The following SBF2 variants were observed in gnomAD, a reference collection of about 807,000 sequenced individuals.
The protein encoded by SBF2 is SET binding factor 2.
A neutral mutation model predicts 225.2 loss-of-function variants in SBF2; 112 were observed. The observed-to-expected ratio is 0.50, with a 90% CI of 0.43 to 0.58. The LOEUF (loss-of-function observed/expected upper bound fraction) is 0.58. Ranked by LOEUF, SBF2 falls within the 20% of genes least tolerant of loss-of-function variation. SBF2 has a pLI of 0.00. For missense variants in SBF2, 1,996 were observed against 2,206.2 expected, an observed-to-expected ratio of 0.90 and a Z score of 1.91; for synonymous variants, 763 against 773.3, an observed-to-expected ratio of 0.99 and a Z score of 0.22.
intron 2 of SBF2, among the ~76,000 whole-genome samples, chr11:10,057,899 T>C (rs1359461575): frequency 1.3e-5 from 2 of 152,108 alleles, no homozygotes; most frequent in Non-Finnish European, 1.5e-5. Flanking sequence ...ACACCAAAAA[T>C]ACCTCACTAA....
At chr11:9,912,560 C>T (rs895534016) in intron 16 of SBF2, among the ~76,000 whole-genome samples, 2 of 152,162 alleles carry the variant, frequency 1.3e-5, no homozygotes, top group South Asian at 2.1e-4. Context: ...CCAGCCTGGG[C>T]AAACATAGCA....
intron 21 of SBF2, among the ~76,000 whole-genome samples, chr11:9,852,286 T>C (rs555465754): frequency 9.9e-5 from 15 of 152,178 alleles, no homozygotes; most frequent in South Asian, 6.2e-4. Context: ...TTGGGATGTA[T>C]AGTCAGATTC....
chr11:10,260,626 C>A (rs1370953584), intron 1 of SBF2, among the ~76,000 whole-genome samples: 1 of 150,946 alleles, frequency 6.6e-6, no homozygotes, highest in Non-Finnish European at 1.5e-5. Flanking sequence ...TGGTGTGAAC[C>A]CAGGAGGCAG....
At chr11:9,874,678 G>A (rs572964476) in intron 17 of SBF2, among the ~76,000 whole-genome samples, 2 of 152,204 alleles carry the variant, frequency 1.3e-5, no homozygotes, top group Non-Finnish European at 2.9e-5. Flanking sequence ...CAGCCAGCCA[G>A]TGTGATTCAC....
intron 16 of SBF2, among the ~76,000 whole-genome samples, chr11:9,922,968 C>T (rs1863750490): frequency 6.6e-6 from 1 of 152,152 alleles, no homozygotes; most frequent in Non-Finnish European, 1.5e-5. Flanking sequence ...AAACTTTCTC[C>T]TACCTGGAGA....
chr11:10,168,891 T>C (rs1015699262), intron 2 of SBF2, among the ~76,000 whole-genome samples: 1 of 152,182 alleles, frequency 6.6e-6, no homozygotes, highest in South Asian at 2.1e-4. Context: ...CCACAATAAA[T>C]TAACCAATTG....
At chr11:9,907,052 T>C (rs1862174117) in intron 16 of SBF2, among the ~76,000 whole-genome samples, 1 of 152,248 alleles carries the variant, frequency 6.6e-6, no homozygotes, top group Admixed American at 6.5e-5. Flanking sequence ...GACTTTCCTT[T>C]AGAGTTTAGA....
At chr11:9,782,327 G>A (rs1359614524) in intron 38 of SBF2, among the ~76,000 whole-genome samples, 1 of 151,820 alleles carries the variant, frequency 6.6e-6, no homozygotes, top group Admixed American at 6.6e-5. Context: ...TATCTCAACA[G>A]GCGAGTCACA....
intron 2 of SBF2, among the ~76,000 whole-genome samples, chr11:10,188,386 A>AGATGTAGTG (rs138256026): frequency 0.095 from 14,449 of 152,152 alleles, 936 homozygotes; most frequent in East Asian, 0.28. Flanking sequence ...AACAATACAC[A>AGATGTAGTG]GATGTAGTGG....
chr11:9,991,417 G>A (rs1352166578), intron 12 of SBF2, among the ~76,000 whole-genome samples: 1 of 152,032 alleles, frequency 6.6e-6, no homozygotes, highest in Non-Finnish European at 1.5e-5. Context: ...CTGAACCAAA[G>A]ATATTTAAGA....
chr11:10,030,576 A>G (rs1949216294), intron 4 of SBF2, among the ~76,000 whole-genome samples: 1 of 152,178 alleles, frequency 6.6e-6, no homozygotes, highest in Admixed American at 6.5e-5. Context: ...TTATGTTTGA[A>G]AATTCTGTGT....
chr11:10,229,128 T>C (rs909166211), intron 1 of SBF2, among the ~76,000 whole-genome samples: 1 of 152,172 alleles, frequency 6.6e-6, no homozygotes, highest in Admixed American at 6.5e-5. Context: ...TATTCTCTGA[T>C]GGTAGTTTGT....
At chr11:10,185,088 T>C (rs1419256278) in intron 2 of SBF2, among the ~76,000 whole-genome samples, 1 of 150,448 alleles carries the variant, frequency 6.6e-6, no homozygotes, top group African/African-American at 2.4e-5. Context: ...TTTTCTTCCT[T>C]TTTAAGGCTG....
Position 9,832,318 on chromosome 11 carries a change from C to A in SBF2, c.3558G>T (p.Lys1186Asn). 1 of 1,614,140 alleles carries A rather than the reference C, an allele frequency of 6.2e-7. No homozygotes were observed. The highest frequency in any genetic ancestry group is 1.1e-5 in the South Asian group (1 of 91,082). ...GGAGCAGAGTACCACTTCTTGAGTT[C>A]TTCCAACATACAACAGGCAGGCGAT... ...RHNRLPVVCW[K>N]NSRSGTLLLR... The change falls in exon 27 of 40, where the codon AAG becomes AAT. Residue 1186 changes from lysine (K) to asparagine (N), a missense_variant. Coordinates refer to ENST00000256190, the MANE Select transcript of SBF2 (RefSeq NM_030962.4).
At chr11:9,882,616 G>A (rs981172448) in intron 17 of SBF2, among the ~76,000 whole-genome samples, 4 of 151,910 alleles carry the variant, frequency 2.6e-5, no homozygotes, top group Non-Finnish European at 4.4e-5. Context: ...AGACCATCCT[G>A]GCTAACACGG....
intron 2 of SBF2, among the ~76,000 whole-genome samples, chr11:10,174,853 T>A (rs560509655): frequency 2.3e-4 from 35 of 151,306 alleles, no homozygotes; most frequent in South Asian, 1.0e-3. Context: ...TGGGGGCCAA[T>A]ATTCAACATT....
chr11:10,030,912 T>C (rs955498789), intron 4 of SBF2, 136 bp downstream of exon 4: 22 of 730,954 alleles, frequency 3.0e-5, no homozygotes, highest in Non-Finnish European at 4.5e-5. Flanking sequence ...TTTCTTCTGT[T>C]CATGCTAACT....
At position 9,780,470 on chromosome 11, in the gene SBF2, T is replaced by C. The variant is rs763965438; in HGVS notation, c.5498A>G (p.Gln1833Arg). Residue 1833 changes from glutamine to arginine, a missense_variant, in exon 40 of 40, where the codon CAG (glutamine) becomes CGG (arginine). Physicochemically the swap from Gln to Arg is conservative, Grantham distance 43. Coordinates refer to ENST00000256190, the MANE Select transcript of SBF2 (RefSeq NM_030962.4). ...RVYNFCAQDGQSAQQWMDKIQ... is the reference protein window; with the variant it reads ...RVYNFCAQDGRSAQQWMDKIQ... ...CTTGTCCATCCATTGCTGGGCACTCTGTCCATCCTGGGCGCAGAAGTTATA... is the reference window on the plus strand; with the variant it reads ...CTTGTCCATCCATTGCTGGGCACTCCGTCCATCCTGGGCGCAGAAGTTATA... 1 of 1,614,184 alleles carries C rather than the reference T, an allele frequency of 6.2e-7. No homozygotes were observed. Among genetic ancestry groups the C allele is most frequent in the South Asian group, 1.1e-5 (1 of 91,070 alleles).
chr11:10,304,301 C>T (rs1307849818), intron 1 of SBF2, among the ~76,000 whole-genome samples: 4 of 152,170 alleles, frequency 2.6e-5, no homozygotes, highest in Admixed American at 1.3e-4. Context: ...GGCACAATCT[C>T]AGGTTATGAC....
Sources: allele counts gnomAD v4.1 joint callset (sites outside exome capture counted in the v4.1 genomes callset), GRCh38; gene constraint gnomAD v4.1.1; transcripts MANE v1.5; gene names NCBI Gene and HGNC (gene_info 2026-07-23, HGNC 2026-07-21).